Variants in DGKB observed in about 807,000 individuals in gnomAD.
The protein encoded by DGKB is 90 kDa diacylglycerol kinase.
In DGKB, 67 loss-of-function variants were observed where a neutral mutation model predicts 114.3. The ratio of observed to expected loss-of-function variants is 0.59; its 90% CI spans 0.48 to 0.72. The LOEUF is 0.72. DGKB is among the 30% of genes least tolerant of loss of function. The pLI is 0.00. For synonymous variants in DGKB, 398 were observed against 323.1 expected (o/e 1.23, Z -2.49); for missense variants, 907 against 975.2 (o/e 0.93, Z 0.93).
chr7:14,941,962 T>G (rs1156703409), intron 1 of DGKB, among the ~76,000 whole-genome samples: 3 of 152,194 alleles, frequency 2.0e-5, no homozygotes, highest in Non-Finnish European at 4.4e-5. Flanking sequence ...CTCATTCATT[T>G]TTGCTTATTG....
At chr7:14,811,793 T>A (rs1022476187) in intron 2 of DGKB, among the ~76,000 whole-genome samples, 1 of 132,836 alleles carries the variant, frequency 7.5e-6, no homozygotes, top group Admixed American at 7.8e-5. Flanking sequence ...AATATATATA[T>A]GTATATATAC....
Position 14,304,087 on chromosome 7 carries a change from A to ACACACACACACACACTCTCTCT in DGKB, c.2122+34427_2122+34428insAGAGAGAGTGTGTGTGTGTGTG, listed in dbSNP as rs140836395. Reference sequence around the variant, plus strand: ...CACACACACACACACACACACACACACTCTCTCTCTCTCACCCCTACCTCA... The same window carrying ACACACACACACACACTCTCTCT: ...CACACACACACACACACACACACACACACACACACACACACTCTCTCTCTCTCTCTCTCTCACCCCTACCTCA... On this transcript the variant is annotated intron_variant, in intron 23 of 25. Coordinates refer to ENST00000402815, the MANE Select transcript of DGKB (RefSeq NM_001350709.2). 1.2e-3 allele frequency among the ~76,000 whole-genome samples: 127 copies of ACACACACACACACACTCTCTCT among 110,116 alleles called. 1 individual carries two copies. Among genetic ancestry groups the ACACACACACACACACTCTCTCT allele is most frequent in the East Asian group, 3.3e-3 (12 of 3,598 alleles). 72.2% of individuals were successfully genotyped at this position (110,116 alleles called of 152,430 possible).
At chr7:14,905,713 T>C (rs1783671065), upstream of DGKB, among the ~76,000 whole-genome samples, 1 of 152,198 alleles carries the variant, frequency 6.6e-6, no homozygotes, top group African/African-American at 2.4e-5. Flanking sequence ...ACCCAAAAGT[T>C]TGCAAACTGT....
At chr7:14,442,385 T>C (rs1296309522) in intron 21 of DGKB, among the ~76,000 whole-genome samples, 1 of 152,152 alleles carries the variant, frequency 6.6e-6, no homozygotes, top group East Asian at 1.9e-4. Context: ...TTAAAATTCT[T>C]CATGATCACT....
intron 21 of DGKB, among the ~76,000 whole-genome samples, chr7:14,450,308 C>T (rs541261056): frequency 3.9e-5 from 6 of 152,238 alleles, no homozygotes; most frequent in African/African-American, 1.4e-4. Context: ...GTATCTTTTA[C>T]TCTTGCAAGT....
At chr7:14,319,474 A>G (rs115982749) in intron 23 of DGKB, among the ~76,000 whole-genome samples, 2,678 of 152,266 alleles carry the variant, frequency 0.018, 51 homozygotes, top group African/African-American at 0.051. Context: ...AGGTTTATTA[A>G]GACTTTTAAA....
At chr7:14,706,762 A>G (rs1472897733) in intron 6 of DGKB, among the ~76,000 whole-genome samples, 1 of 101,456 alleles carries the variant, frequency 9.9e-6, no homozygotes, top group African/African-American at 4.1e-5. Context: ...TGTTCTTTGA[A>G]ACCAACGAGA....
intron 23 of DGKB, among the ~76,000 whole-genome samples, chr7:14,316,000 C>T (rs1479779067): frequency 6.6e-6 from 1 of 151,438 alleles, no homozygotes; most frequent in Non-Finnish European, 1.5e-5. Flanking sequence ...CGCTCAACTA[C>T]ATGGAAACTG....
chr7:14,661,590 C>G (rs1299392623), intron 13 of DGKB, among the ~76,000 whole-genome samples: 1 of 151,986 alleles, frequency 6.6e-6, no homozygotes, highest in Non-Finnish European at 1.5e-5. Flanking sequence ...AATAGGAACA[C>G]TTTTACACTG....
At chr7:14,792,436 G>A (rs1374053305) in intron 2 of DGKB, among the ~76,000 whole-genome samples, 1 of 152,086 alleles carries the variant, frequency 6.6e-6, no homozygotes, top group Non-Finnish European at 1.5e-5. Context: ...GAAGGCCTGG[G>A]ACTAGGCAAG....
At chr7:14,630,442 G>A (rs375370952) in intron 13 of DGKB, among the ~76,000 whole-genome samples, 174 bp from the exon 14 acceptor site, 25 of 151,940 alleles carry the variant, frequency 1.6e-4, no homozygotes, top group African/African-American at 5.8e-4. Context: ...TCTTTTCATT[G>A]AATAAGAAAT....
rs1781444235 is a variant in DGKB, at chr7:14,146,067, G to T, written c.*3064C>A. 6.6e-6 allele frequency: 1 copy of T among 152,116 alleles called. No homozygotes were observed. Among genetic ancestry groups the T allele is most frequent in the Non-Finnish European group, 1.5e-5 (1 of 68,022 alleles). The allele number at this position is 152,116 out of a possible 1,614,324, so 9.4% of individuals were successfully genotyped here. A position where few individuals can be genotyped will look rare whatever the true frequency, so the allele number is the denominator to read the frequency against. The stretch of plus-strand genomic sequence containing the variant: ...ATTCTGGCTATGATCACATGAACCT[G>T]TTTTAAATAAAATAAAAACTGTTTT... On this transcript the variant is annotated 3_prime_UTR_variant, in exon 26 of 26. Coordinates refer to ENST00000402815, the MANE Select transcript of DGKB (RefSeq NM_001350709.2).
intron 12 of DGKB, among the ~76,000 whole-genome samples, chr7:14,678,700 C>G (rs1240957093): frequency 6.6e-6 from 1 of 151,940 alleles, no homozygotes; most frequent in Non-Finnish European, 1.5e-5. Context: ...TTCAGAAGAT[C>G]TTTCTGGAGG....
At chr7:14,238,638 G>A (rs1793182727) in intron 23 of DGKB, among the ~76,000 whole-genome samples, 1 of 151,862 alleles carries the variant, frequency 6.6e-6, no homozygotes, top group Non-Finnish European at 1.5e-5. Flanking sequence ...ACAGGACAGA[G>A]GGTTAAAGTT....
At chr7:14,683,891 A>G (rs1160623027) in intron 10 of DGKB, among the ~76,000 whole-genome samples, 1 of 152,098 alleles carries the variant, frequency 6.6e-6, no homozygotes, top group Non-Finnish European at 1.5e-5. Flanking sequence ...TAATCAGTAA[A>G]AACTTATGAG....
chr7:14,629,394 G>T (rs2128839811), intron 14 of DGKB, among the ~76,000 whole-genome samples: 1 of 151,524 alleles, frequency 6.6e-6, no homozygotes, highest in Admixed American at 6.6e-5. Flanking sequence ...TAACGAAGAG[G>T]TCTACACTGA....
At chr7:14,461,110 G>T (rs1833008659) in intron 21 of DGKB, among the ~76,000 whole-genome samples, 1 of 152,124 alleles carries the variant, frequency 6.6e-6, no homozygotes, top group Non-Finnish European at 1.5e-5. Flanking sequence ...ATTGTTTACA[G>T]GGAAACTTAT....
intron 9 of DGKB, among the ~76,000 whole-genome samples, chr7:14,686,777 T>C (rs1585651657): frequency 6.6e-6 from 1 of 152,310 alleles, no homozygotes; most frequent in East Asian, 1.9e-4. Flanking sequence ...AAATGCTTCC[T>C]GGGCGATAAT....
chr7:14,384,952 C>T lies in DGKB; in HGVS notation c.1836-39561G>A, dbSNP rs142430253. On this transcript the variant is annotated intron_variant, in intron 21 of 25. Transcript: ENST00000402815. Reference sequence around the variant, plus strand: ...ATGGTAAGTGAGAACTCCCTAGGACCGAATAGGTAGTTGTCAATAACAAAA... The same window carrying T: ...ATGGTAAGTGAGAACTCCCTAGGACTGAATAGGTAGTTGTCAATAACAAAA... Among the ~76,000 whole-genome samples, 660 of 151,870 alleles carry T rather than the reference C, an allele frequency of 4.3e-3. 1 individual carries two copies. Among genetic ancestry groups the T allele is most frequent in the Non-Finnish European group, 8.1e-3 (551 of 67,988 alleles).
Sources: allele counts gnomAD v4.1 joint callset (sites outside exome capture counted in the v4.1 genomes callset), GRCh38; gene constraint gnomAD v4.1.1; transcripts MANE v1.5; gene names NCBI Gene and HGNC (gene_info 2026-07-23, HGNC 2026-07-21).